PLA2R1: variants seen among roughly 807,000 people sequenced by gnomAD.
The protein encoded by PLA2R1 is secretory phospholipase A2 receptor.
Under a neutral mutation model 195.9 loss-of-function variants are expected in PLA2R1, and 158 were observed. The observed-to-expected ratio is 0.81, with a 90% CI of 0.71 to 0.92. The LOEUF (loss-of-function observed/expected upper bound fraction) is 0.92. Ranked by LOEUF, PLA2R1 falls within the 40% of genes least tolerant of loss-of-function variation. The pLI, the probability that PLA2R1 is intolerant of heterozygous loss-of-function variation, is 0.00. For synonymous variants in PLA2R1, 586 were observed against 598.2 expected, an observed-to-expected ratio of 0.98 and a Z score of 0.30; for missense variants, 1,626 against 1,764.6, an observed-to-expected ratio of 0.92 and a Z score of 1.41.
chr2:160,015,212 G>A (rs1254255411), intron 9 of PLA2R1, among the ~76,000 whole-genome samples: 1 of 152,128 alleles, frequency 6.6e-6, no homozygotes, highest in African/African-American at 2.4e-5. Flanking sequence ...TGAAGGAATT[G>A]CTCATATTGT....
rs11396932 is a variant in PLA2R1 at position 160,016,263 on chromosome 2, CA to C, written c.1551+350del. Among the ~76,000 whole-genome samples, 78 of 103,128 alleles carry C rather than the reference CA, an allele frequency of 7.6e-4. 1 individual carries two copies. The East Asian group carries it at 0.013, about 17-fold the overall frequency. The allele number at this position is 103,128 out of a possible 152,430, so 67.7% of individuals were successfully genotyped here. A position where few individuals can be genotyped will look rare whatever the true frequency, so the allele number is the denominator to read the frequency against. ...TGGGTGACAAAGCAAGACTCTGTCT[CA>C]AAAAAAAAAAAAGAAAAAGAAAAAG... On this transcript the variant is annotated intron_variant, in intron 9 of 29. Coordinates refer to ENST00000283243, the MANE Select transcript of PLA2R1 (RefSeq NM_007366.5).
intron 24 of PLA2R1, among the ~76,000 whole-genome samples, chr2:159,950,718 T>C (rs1161342486): frequency 6.6e-6 from 1 of 152,202 alleles, no homozygotes; most frequent in African/African-American, 2.4e-5. Context: ...TGAATATGTA[T>C]GTGTATACAT....
chr2:160,012,253 C>T (rs1032807262), intron 10 of PLA2R1, among the ~76,000 whole-genome samples: 1 of 152,130 alleles, frequency 6.6e-6, no homozygotes, highest in Non-Finnish European at 1.5e-5. Flanking sequence ...GTGTAGTTTC[C>T]TGTGGCACCA....
Position 160,016,655 on chromosome 2 carries a change from C to T in PLA2R1, c.1510G>A (p.Ala504Thr), listed in dbSNP as rs796727662. 1 of 1,610,638 alleles carries T rather than the reference C, an allele frequency of 6.2e-7. No individual in the cohort carries two copies. ...EERLFYICKK[A>T]GHVLSDAESG... Reference sequence around the variant, plus strand: ...TCAGCATCAGAGAGGACATGGCCTGCTTTTTTACAAATGTAAAAAAGTCTT... The same window carrying T: ...TCAGCATCAGAGAGGACATGGCCTGTTTTTTTACAAATGTAAAAAAGTCTT... The change falls in exon 9 of 30, where the codon GCA (alanine) becomes ACA (threonine). Residue 504 changes from alanine to threonine, a missense_variant. Physicochemically the swap from Ala to Thr is moderately conservative, Grantham distance 58. Coordinates refer to ENST00000283243, the MANE Select transcript of PLA2R1 (RefSeq NM_007366.5).
chr2:160,016,323 G>A (rs2105447609), intron 9 of PLA2R1, among the ~76,000 whole-genome samples: 1 of 151,574 alleles, frequency 6.6e-6, no homozygotes, highest in Middle Eastern at 3.4e-3. Context: ...CCAAGTGTGA[G>A]ACAGGGCATC....
rs924881209 is a variant in PLA2R1, at chr2:159,946,733, A to G, written c.3967+68T>C. On this transcript the variant is annotated intron_variant, in intron 27 of 29. Transcript: ENST00000283243. The stretch of plus-strand genomic sequence containing the variant: ...CCAAGGAGAGTTTTCTGGCTCACAG[A>G]TGCCATTATCATCAGCTTTAACAAC... The G allele has an allele frequency of 4.0e-6, 6 of 1,485,378 alleles. No homozygotes were observed. In the South Asian group the frequency reaches 8.7e-5, roughly 21 times the overall value. The allele number at this position is 1,485,378 out of a possible 1,614,324, so 92.0% of individuals were successfully genotyped here.
intron 7 of PLA2R1, 132 bp downstream of exon 7, chr2:160,022,533 T>C (rs1287129544): frequency 2.1e-6 from 1 of 467,702 alleles, no homozygotes; most frequent in Non-Finnish European, 3.7e-6. Context: ...CTGAATAACA[T>C]TTAGAAACTT....
intron 9 of PLA2R1, among the ~76,000 whole-genome samples, chr2:160,013,715 C>CTGTG (rs1558927420): frequency 1.1e-4 from 12 of 107,618 alleles, no homozygotes; most frequent in Middle Eastern, 4.2e-3. Context: ...CTCTCTCTCT[C>CTGTG]TCTCTCTGTG....
At chr2:159,948,642 CAAAAAAA>C (rs56329076) in intron 25 of PLA2R1, among the ~76,000 whole-genome samples, 3 of 95,840 alleles carry the variant, frequency 3.1e-5, no homozygotes, top group Non-Finnish European at 5.9e-5. Flanking sequence ...CAAGTGCTAA[CAAAAAAA>C]AAAAAAAAAA....
At chr2:160,043,989 G>C (rs1028915314) in intron 2 of PLA2R1, among the ~76,000 whole-genome samples, 2 of 152,196 alleles carry the variant, frequency 1.3e-5, no homozygotes, top group Non-Finnish European at 1.5e-5. Context: ...AGTGCCTGAT[G>C]AATGTGGGGT....
rs560394860 is a variant in PLA2R1, at chr2:159,983,928, CA to C, written c.2182del (p.Trp728GlyfsTer17). On this transcript the variant is annotated frameshift_variant and splice_region_variant, in exon 13 of 30. Transcript: ENST00000283243. LOFTEE classifies it high-confidence loss of function. ...VNELLHSKFN[W>X]TEERQFWIGF... ...TTTTTCATAATTAACAAGTATTTAC[CA>C]ATTAAATTTTGAATGTAAGAGCTCA... 101 of 1,528,644 alleles carry C rather than the reference CA, an allele frequency of 6.6e-5. No individual in the cohort carries two copies. The highest frequency in any genetic ancestry group is 9.1e-5 in the Non-Finnish European group (101 of 1,109,918). The allele number at this position is 1,528,644 out of a possible 1,614,324, so 94.7% of individuals were successfully genotyped here. A position where few individuals can be genotyped will look rare whatever the true frequency, so the allele number is the denominator to read the frequency against.
At chr2:160,027,262 T>C (rs1693582211) in intron 6 of PLA2R1, among the ~76,000 whole-genome samples, 1 of 150,654 alleles carries the variant, frequency 6.6e-6, no homozygotes, top group Non-Finnish European at 1.5e-5. Context: ...GAAAGAAGGG[T>C]GGCAGGAGGG....
In PLA2R1 at chr2:160,028,218, C is replaced by A; in HGVS notation, c.1099G>T (p.Glu367Ter). ...YLNHIDHEIV[E>*]KDAWKYYATH... ...AACAACTTAAAATAAAAACGCTTAC[C>A]AACTATTTCATGATCAATGTGGTTT... Residue 367 changes from glutamate to a stop codon, truncating the protein, a stop_gained and splice_region_variant, in exon 6 of 30, where the codon GAA becomes TAA. Coordinates refer to ENST00000283243, the MANE Select transcript of PLA2R1 (RefSeq NM_007366.5). LOFTEE classifies it high-confidence loss of function. 6.4e-7 allele frequency: 1 copy of A among 1,574,756 alleles called. No individual in the cohort carries two copies. Among genetic ancestry groups the A allele is most frequent in the Non-Finnish European group, 8.6e-7 (1 of 1,163,386 alleles).
Position 159,934,409 on chromosome 2 carries a change from G to A in PLA2R1, c.*7369C>T, listed in dbSNP as rs1422736762. 6.6e-6 allele frequency: 1 copy of A among 152,184 alleles called. No homozygotes were observed. Among genetic ancestry groups the A allele is most frequent in the Admixed American group, 6.5e-5 (1 of 15,278 alleles). 9.4% of individuals were successfully genotyped at this position (152,184 alleles called of 1,614,324 possible). On this transcript the variant is annotated 3_prime_UTR_variant, in exon 30 of 30. Coordinates refer to ENST00000283243, the MANE Select transcript of PLA2R1 (RefSeq NM_007366.5). Reference sequence around the variant, plus strand: ...AGCGGATGGTGTGTTAGGTAAGTTGGAGACACACAGGGTTTTGCCCTGCTT... The same window carrying A: ...AGCGGATGGTGTGTTAGGTAAGTTGAAGACACACAGGGTTTTGCCCTGCTT...
chr2:159,963,758 C>A (rs949140912), intron 20 of PLA2R1, among the ~76,000 whole-genome samples: 1 of 152,108 alleles, frequency 6.6e-6, no homozygotes, highest in Non-Finnish European at 1.5e-5. Flanking sequence ...GAAATTGAAA[C>A]CCTCACACAC....
chr2:160,035,462 C>T (rs1166136487), intron 3 of PLA2R1, among the ~76,000 whole-genome samples: 1 of 152,100 alleles, frequency 6.6e-6, no homozygotes, highest in African/African-American at 2.4e-5. Flanking sequence ...AAGGGTCACC[C>T]CAGCTTGAGA....
chr2:160,015,110 T>C (rs2105441833), intron 9 of PLA2R1, among the ~76,000 whole-genome samples: 1 of 152,310 alleles, frequency 6.6e-6, no homozygotes, highest in Admixed American at 6.5e-5. Flanking sequence ...GTCCACACAA[T>C]GAATACGGGA....
intron 1 of PLA2R1, among the ~76,000 whole-genome samples, chr2:160,049,755 G>A (rs1248253251): frequency 2.0e-5 from 3 of 152,140 alleles, no homozygotes; most frequent in African/African-American, 7.2e-5. Flanking sequence ...GAACCCAGGA[G>A]GTGGAGGCTG....
chr2:160,016,814 C>G, intron 8 of PLA2R1, 102 bp from the exon 9 acceptor site: 2 of 650,318 alleles, frequency 3.1e-6, no homozygotes, highest in East Asian at 2.8e-5. Context: ...TGTGCTCCCG[C>G]GTGGGATAAT....
Sources: gnomAD v4.1 joint callset for allele counts (sites outside exome capture counted in the v4.1 genomes callset) on GRCh38, gnomAD v4.1.1 for gene constraint, MANE v1.5 for transcripts, NCBI Gene and HGNC (gene_info 2026-07-23, HGNC 2026-07-21) for gene names.